The following CCDC85A variants were observed in gnomAD, a reference collection of about 807,000 sequenced individuals.
The protein encoded by CCDC85A is coiled-coil domain-containing protein 85A.
A neutral mutation model predicts 50.2 loss-of-function variants in CCDC85A; 38 were observed. The ratio of observed to expected loss-of-function variants is 0.76; its 90% CI spans 0.58 to 0.99. CCDC85A has a LOEUF of 0.99. CCDC85A is among the 50% of genes least tolerant of loss of function. The pLI is 0.00. For missense variants in CCDC85A, 820 were observed against 742.0 expected (o/e 1.11, Z -1.22); for synonymous variants, 366 against 301.4 (o/e 1.21, Z -2.22).
At chr2:56,317,108 G>T (rs1048611823) in intron 2 of CCDC85A, among the ~76,000 whole-genome samples, 2 of 151,956 alleles carry the variant, frequency 1.3e-5, no homozygotes, top group African/African-American at 4.8e-5. Flanking sequence ...ATGGCAAAGT[G>T]GAAGATTTTT....
At chr2:56,291,963 A>G (rs749417667) in intron 2 of CCDC85A, among the ~76,000 whole-genome samples, 1 of 152,150 alleles carries the variant, frequency 6.6e-6, no homozygotes, top group African/African-American at 2.4e-5. Context: ...AGTGGTATTT[A>G]AAGAGACAGA....
intron 2 of CCDC85A, among the ~76,000 whole-genome samples, chr2:56,275,150 C>T (rs74449809): frequency 0.077 from 11,686 of 152,074 alleles, 1,008 homozygotes; most frequent in African/African-American, 0.21. Flanking sequence ...TTATTCAGTT[C>T]ACAGAAACCT....
chr2:56,264,100 C>T (rs1670333513), intron 2 of CCDC85A, among the ~76,000 whole-genome samples: 1 of 152,160 alleles, frequency 6.6e-6, no homozygotes, highest in Admixed American at 6.5e-5. Context: ...CTGCATGTGG[C>T]CCTCAGGCTG....
At chr2:56,204,320 G>A (rs1001601482) in intron 2 of CCDC85A, among the ~76,000 whole-genome samples, 2 of 152,074 alleles carry the variant, frequency 1.3e-5, no homozygotes, top group African/African-American at 4.8e-5. Flanking sequence ...GAATAATAAC[G>A]ACATATAATG....
chr2:56,353,474 C>G (rs1372532338), intron 3 of CCDC85A, among the ~76,000 whole-genome samples: 1 of 152,224 alleles, frequency 6.6e-6, no homozygotes, highest in South Asian at 2.1e-4. Flanking sequence ...CCTTTCAGCT[C>G]TGAACATTCT....
chr2:56,348,275 A>G (rs1424496427), intron 3 of CCDC85A, among the ~76,000 whole-genome samples: 2 of 152,170 alleles, frequency 1.3e-5, no homozygotes, highest in Non-Finnish European at 2.9e-5. Flanking sequence ...AGAACAAACC[A>G]TCCACCTCTT....
chr2:56,361,341 C>A (rs1290448501), intron 3 of CCDC85A, among the ~76,000 whole-genome samples: 2 of 152,036 alleles, frequency 1.3e-5, no homozygotes, highest in Non-Finnish European at 2.9e-5. Flanking sequence ...ATCTTTTACC[C>A]CTTGAATCTT....
rs911368496 is a variant in CCDC85A at position 56,201,125 on chromosome 2, C to T, written c.1240+7685C>T. 1.4e-4 allele frequency among the ~76,000 whole-genome samples: 20 copies of T among 141,398 alleles called. No homozygotes were observed. The East Asian group carries it at 2.9e-3, about 20-fold the overall frequency. The allele number at this position is 141,398 out of a possible 152,430, so 92.8% of individuals were successfully genotyped here. A position where few individuals can be genotyped will look rare whatever the true frequency, so the allele number is the denominator to read the frequency against. Reference sequence around the variant, plus strand: ...ACACACACACACACACACACACACACGTACATACACACAGCATTTAGTGTT... The same window carrying T: ...ACACACACACACACACACACACACATGTACATACACACAGCATTTAGTGTT... On this transcript the variant is annotated intron_variant, in intron 2 of 5. Coordinates refer to ENST00000407595, the MANE Select transcript of CCDC85A (RefSeq NM_001080433.2).
intron 3 of CCDC85A, among the ~76,000 whole-genome samples, chr2:56,361,307 T>A (rs1241895818): frequency 6.6e-6 from 1 of 152,082 alleles, no homozygotes; most frequent in Non-Finnish European, 1.5e-5. Context: ...GGAAGGCTGA[T>A]GGCTAGCATT....
chr2:56,282,365 A>G (rs998427869), intron 2 of CCDC85A, among the ~76,000 whole-genome samples: 2 of 152,188 alleles, frequency 1.3e-5, no homozygotes, highest in African/African-American at 4.8e-5. Flanking sequence ...GTTGTTGTTG[A>G]TTAAGATTAT....
intron 2 of CCDC85A, chr2:56,235,423 A>G (rs940544741): frequency 6.6e-6 from 1 of 152,062 alleles, no homozygotes; most frequent in African/African-American, 2.4e-5. Flanking sequence ...ATAATTGAAT[A>G]CTGTAGGAGG....
chr2:56,288,348 T>C (rs1257879699), intron 2 of CCDC85A, among the ~76,000 whole-genome samples: 1 of 152,036 alleles, frequency 6.6e-6, no homozygotes, highest in Non-Finnish European at 1.5e-5. Context: ...CAGACACTTG[T>C]GTATTTCCCA....
intron 3 of CCDC85A, among the ~76,000 whole-genome samples, chr2:56,345,267 G>A (rs1037212933): frequency 1.3e-5 from 2 of 152,158 alleles, no homozygotes; most frequent in Non-Finnish European, 2.9e-5. Context: ...TGTTATTGAT[G>A]TGGGATGCAC....
chr2:56,383,717 T>C (rs1676695997), intron 5 of CCDC85A: 1 of 985,002 alleles, frequency 1.0e-6, no homozygotes, highest in African/African-American at 1.7e-5. Context: ...GCCCTAAGAC[T>C]ACCACCTCAG....
At chr2:56,198,634 A>G (rs1676619983) in intron 2 of CCDC85A, among the ~76,000 whole-genome samples, 2 of 152,248 alleles carry the variant, frequency 1.3e-5, no homozygotes, top group Non-Finnish European at 2.9e-5. Context: ...ATTGCAATAT[A>G]TATCAGAGGA....
intron 2 of CCDC85A, among the ~76,000 whole-genome samples, chr2:56,273,800 G>T (rs2104072828): frequency 6.6e-6 from 1 of 152,068 alleles, no homozygotes; most frequent in South Asian, 2.1e-4. Context: ...TAACTGTGAG[G>T]AGGGAGTCTA....
At chr2:56,234,710 C>A (rs761111098) in intron 2 of CCDC85A, among the ~76,000 whole-genome samples, 1 of 152,058 alleles carries the variant, frequency 6.6e-6, no homozygotes, top group African/African-American at 2.4e-5. Context: ...CTTAGATCTT[C>A]GCTAAAGATA....
At chr2:56,335,858 C>T (rs1481760784) in intron 2 of CCDC85A, among the ~76,000 whole-genome samples, 1 of 151,954 alleles carries the variant, frequency 6.6e-6, no homozygotes, top group Non-Finnish European at 1.5e-5. Context: ...CCTCAGCCTG[C>T]TAAAGTGCTG....
chr2:56,332,687 C>G (rs1033490063), intron 2 of CCDC85A, among the ~76,000 whole-genome samples: 4 of 131,608 alleles, frequency 3.0e-5, no homozygotes, highest in Admixed American at 8.0e-5. Context: ...CCCCCCTTTT[C>G]CCCCCTCTCT....
Sources: allele counts gnomAD v4.1 joint callset (sites outside exome capture counted in the v4.1 genomes callset), GRCh38; gene constraint gnomAD v4.1.1; transcripts MANE v1.5; gene names NCBI Gene and HGNC (gene_info 2026-07-23, HGNC 2026-07-21).